The following UGT1A10 variants were observed in gnomAD, a reference collection of about 807,000 sequenced individuals.
The protein encoded by UGT1A10 is UDP glucuronosyltransferase family 1 member A10, also known as UDP-glucuronosyltransferase 1A10.
In UGT1A10, 49 loss-of-function variants were observed where a neutral mutation model predicts 45.8. The ratio of observed to expected loss-of-function variants is 1.07; its 90% CI spans 0.85 to 1.36. The LOEUF is 1.36. Ranked by LOEUF, UGT1A10 falls within the 40% of genes most tolerant of loss-of-function variation. UGT1A10 has a pLI of 0.00. For missense variants in UGT1A10, 745 were observed against 668.6 expected (o/e 1.11, Z -1.26); for synonymous variants, 284 against 249.7 (o/e 1.14, Z -1.29).
intron 1 of UGT1A10, among the ~76,000 whole-genome samples, chr2:233,739,348 G>C (rs1455435875): frequency 6.6e-6 from 1 of 152,152 alleles, no homozygotes. Context: ...GAACCCAGAA[G>C]GGCAGATCCA....
chr2:233,717,708 G>A, intron 1 of UGT1A10: 1 of 452,244 alleles, frequency 2.2e-6, no homozygotes, highest in Non-Finnish European at 4.5e-6. Context: ...AGCAGGACGA[G>A]CCTCATGGGC....
intron 1 of UGT1A10, chr2:233,719,830 G>T: frequency 6.5e-7 from 1 of 1,548,976 alleles, no homozygotes; most frequent in Non-Finnish European, 8.7e-7. Context: ...CTGTTGAGGG[G>T]CCTAGTGTAT....
At position 233,672,022 on chromosome 2, in the gene UGT1A10, G is replaced by A. The variant is rs2074207279; in HGVS notation, c.855+34645G>A. On this transcript the variant is annotated intron_variant, in intron 1 of 4. Coordinates refer to ENST00000344644, the MANE Select transcript of UGT1A10 (RefSeq NM_019075.4). ...CTTTGCCGAGGCAGGGAAGCTACTGGTAGTGCCCATGGATGGGAGCCACTG... is the reference window on the plus strand; with the variant it reads ...CTTTGCCGAGGCAGGGAAGCTACTGATAGTGCCCATGGATGGGAGCCACTG... 5.0e-6 allele frequency: 8 copies of A among 1,614,042 alleles called. No individual in the cohort carries two copies. In the Admixed American group the frequency reaches 8.3e-5, roughly 17 times the overall value.
At chr2:233,712,136 A>G (rs985714952) in intron 1 of UGT1A10, among the ~76,000 whole-genome samples, 4 of 152,238 alleles carry the variant, frequency 2.6e-5, no homozygotes, top group South Asian at 2.1e-4. Context: ...TGGAGCCTTC[A>G]GCATTCAGAA....
At chr2:233,699,371 A>G (rs2075501772) in intron 1 of UGT1A10, among the ~76,000 whole-genome samples, 2 of 152,194 alleles carry the variant, frequency 1.3e-5, no homozygotes, top group South Asian at 4.1e-4. Flanking sequence ...TGGTATGGCT[A>G]GATTTCAAAT....
intron 1 of UGT1A10, among the ~76,000 whole-genome samples, chr2:233,714,816 G>A (rs1447041593): frequency 6.6e-6 from 1 of 152,208 alleles, no homozygotes; most frequent in African/African-American, 2.4e-5. Context: ...TATGTAGTTA[G>A]TGACAACAAT....
chr2:233,676,053 G>A (rs2074344673), intron 1 of UGT1A10, among the ~76,000 whole-genome samples: 1 of 152,152 alleles, frequency 6.6e-6, no homozygotes, highest in Non-Finnish European at 1.5e-5. Flanking sequence ...AATTGACTAG[G>A]TGCCAAAGTT....
intron 1 of UGT1A10, among the ~76,000 whole-genome samples, chr2:233,728,740 G>C (rs1227544555): frequency 1.3e-5 from 2 of 152,220 alleles, no homozygotes; most frequent in African/African-American, 2.4e-5. Flanking sequence ...CTGGGGGCTA[G>C]GGCAATGGTG....
chr2:233,654,918 C>T (rs1173027854), intron 1 of UGT1A10, among the ~76,000 whole-genome samples: 1 of 152,094 alleles, frequency 6.6e-6, no homozygotes, highest in Non-Finnish European at 1.5e-5. Context: ...ATGGCAAAAC[C>T]CCGTCTCTAC....
At chr2:233,663,784 GA>G (rs2074020408) in intron 1 of UGT1A10, among the ~76,000 whole-genome samples, 1 of 152,200 alleles carries the variant, frequency 6.6e-6, no homozygotes, top group South Asian at 2.1e-4. Flanking sequence ...TTAGAAGCAA[GA>G]TGGAGTCAGT....
At chr2:233,724,187 G>C (rs1459882110) in intron 1 of UGT1A10, among the ~76,000 whole-genome samples, 1 of 123,412 alleles carries the variant, frequency 8.1e-6, no homozygotes, top group East Asian at 2.3e-4. Flanking sequence ...CCTCCCGGAC[G>C]GGGTGGCTGG....
In UGT1A10 at chr2:233,760,715, G is replaced by A. The variant is rs1559407347; in HGVS notation, c.856-6319G>A. ...GAGCTCATGGCCTCCCTGGCAGAAA[G>A]CAGCTTTGATGTCATGCTGACGGAC... is the stretch of plus-strand genomic sequence containing the variant. On this transcript the variant is annotated intron_variant, in intron 1 of 4. Transcript: ENST00000344644. The A allele has an allele frequency of 1.2e-6, 2 of 1,614,196 alleles. No individual in the cohort carries two copies. The highest frequency in any genetic ancestry group is 1.3e-5 in the African/African-American group (1 of 75,042).
At chr2:233,687,583 TAAAAAAA>T (rs71398794) in intron 1 of UGT1A10, among the ~76,000 whole-genome samples, 8 of 107,466 alleles carry the variant, frequency 7.4e-5, no homozygotes, top group Non-Finnish European at 1.1e-4. Flanking sequence ...ACATTCTTTG[TAAAAAAA>T]AAAAAAAAAA....
At position 233,772,405 on chromosome 2, in the gene UGT1A10, G is replaced by T. The variant is rs1176419046; in HGVS notation, c.1439G>T (p.Trp480Leu). Residue 480 changes from tryptophan to leucine, a missense_variant, in exon 5 of 5, where the codon TGG (tryptophan) becomes TTG (leucine). Coordinates refer to ENST00000344644, the MANE Select transcript of UGT1A10 (RefSeq NM_019075.4). ...CGCCCCGCAGCCCACGACCTCACCT[G>T]GTACCAGTACCATTCCTTGGACGTG... ...HLRPAAHDLTWYQYHSLDVIG... is the reference protein window; with the variant it reads ...HLRPAAHDLTLYQYHSLDVIG... 1.2e-6 allele frequency: 2 copies of T among 1,614,224 alleles called. No individual in the cohort carries two copies. Among genetic ancestry groups the T allele is most frequent in the South Asian group, 1.1e-5 (1 of 91,090 alleles).
At position 233,637,326 on chromosome 2, in the gene UGT1A10, C is replaced by T. The variant is rs141148905; in HGVS notation, c.804C>T (p.Asn268=). ...VLDYPKPVMP[N]MIFIGGINCH... ...ACTATCCCAAACCCGTGATGCCCAA[C>T]ATGATCTTCATTGGTGGTATCAACT... Residue 268 remains asparagine, a synonymous_variant, in exon 1 of 5, where the codon AAC becomes AAT. Transcript: ENST00000344644. 5.3e-5 allele frequency: 86 copies of T among 1,613,960 alleles called. No individual in the cohort carries two copies. Among genetic ancestry groups the T allele is most frequent in the African/African-American group, 2.7e-4 (20 of 75,046 alleles).
At chr2:233,646,920 T>C (rs758452630) in intron 1 of UGT1A10, among the ~76,000 whole-genome samples, 4 of 152,218 alleles carry the variant, frequency 2.6e-5, no homozygotes, top group African/African-American at 9.6e-5. Context: ...TAGTCTGTTT[T>C]CATGCTGCTG....
chr2:233,747,273 C>T, intron 1 of UGT1A10: 4 of 1,598,968 alleles, frequency 2.5e-6, no homozygotes, highest in Non-Finnish European at 3.4e-6. Context: ...TACTCCTTCT[C>T]AGTGCCCAGC....
At chr2:233,656,710 G>A (rs1449792331) in intron 1 of UGT1A10, among the ~76,000 whole-genome samples, 10 of 152,092 alleles carry the variant, frequency 6.6e-5, no homozygotes, top group Non-Finnish European at 1.5e-4. Context: ...GGAGTGTGAC[G>A]AGGCGTGTCC....
chr2:233,769,675 G>A lies in UGT1A10; in HGVS notation c.1295+1236G>A, dbSNP rs1044597905. 16 of 1,578,848 alleles carry A rather than the reference G, an allele frequency of 1.0e-5. No homozygotes were observed. The highest frequency in any genetic ancestry group is 1.4e-5 in the Non-Finnish European group (16 of 1,162,352). ...CTTCCCACCTTTGAGGTGCTAATGT[G>A]TGTGTGGTGGCACTGGATAAAAGAT... On this transcript the variant is annotated intron_variant, in intron 4 of 4. Coordinates refer to ENST00000344644, the MANE Select transcript of UGT1A10 (RefSeq NM_019075.4). The surrounding 1 kb of genome is among the most constrained non-coding windows in gnomAD (Gnocchi z 4.4).
Sources: gnomAD v4.1 joint callset for allele counts (sites outside exome capture counted in the v4.1 genomes callset) on GRCh38, gnomAD v4.1.1 for gene constraint, Gnocchi (gnomAD v3.1) non-coding constraint, MANE v1.5 for transcripts, NCBI Gene and HGNC (gene_info 2026-07-23, HGNC 2026-07-21) for gene names.